The following PDE6D variants were observed in gnomAD, a reference collection of about 807,000 sequenced individuals.
PDE6D encodes the protein retinal rod rhodopsin-sensitive cGMP 3',5'-cyclic phosphodiesterase subunit delta.
A neutral mutation model predicts 21.9 loss-of-function variants in PDE6D; 10 were observed. The observed-to-expected ratio is 0.46, with a 90% CI of 0.28 to 0.78. The LOEUF is 0.78. PDE6D is among the 30% of genes least tolerant of loss of function. The probability of loss-of-function intolerance (pLI) is 0.12; values close to 1 mark genes in which losing one functional copy is unlikely to be tolerated. For synonymous variants in PDE6D, 59 were observed against 63.5 expected (o/e 0.93, Z 0.34); for missense variants, 139 against 184.8 (o/e 0.75, Z 1.44).
At chr2:231,747,529 TTTA>T (rs2106268179) in intron 1 of PDE6D, among the ~76,000 whole-genome samples, 1 of 152,382 alleles carries the variant, frequency 6.6e-6, no homozygotes, top group African/African-American at 2.4e-5. Context: ...CAATTAATTC[TTTA>T]TTGTCTCCCA....
intron 1 of PDE6D, among the ~76,000 whole-genome samples, chr2:231,757,981 G>T (rs1437800098): frequency 1.3e-5 from 2 of 151,948 alleles, no homozygotes; most frequent in East Asian, 3.9e-4. Flanking sequence ...GGACAAAAAA[G>T]AAATAACTGT....
intron 1 of PDE6D, among the ~76,000 whole-genome samples, chr2:231,758,181 T>C (rs1343393243): frequency 1.3e-5 from 2 of 152,292 alleles, no homozygotes; most frequent in East Asian, 1.9e-4. Context: ...GACAGACAGA[T>C]AGGTAGATAG....
At chr2:231,735,808 G>A (rs1400477803) in intron 4 of PDE6D, among the ~76,000 whole-genome samples, 2 of 151,826 alleles carry the variant, frequency 1.3e-5, no homozygotes, top group Admixed American at 6.6e-5. Flanking sequence ...TGGATCACCC[G>A]AGGTTAGGAG....
chr2:231,733,352 T>C (rs796664149), intron 4 of PDE6D, among the ~76,000 whole-genome samples: 6 of 152,348 alleles, frequency 3.9e-5, no homozygotes, highest in African/African-American at 1.4e-4. Flanking sequence ...GACTTTCTGA[T>C]ACTGCATTCA....
At chr2:231,744,455 A>T in intron 1 of PDE6D, among the ~76,000 whole-genome samples, 1 of 140,804 alleles carries the variant, frequency 7.1e-6, no homozygotes, top group Non-Finnish European at 1.5e-5. Flanking sequence ...TTTTTTGGAG[A>T]CAGAGTTTCG....
At chr2:231,756,937 G>A (rs1307029618) in intron 1 of PDE6D, among the ~76,000 whole-genome samples, 2 of 151,840 alleles carry the variant, frequency 1.3e-5, no homozygotes, top group East Asian at 3.9e-4. Context: ...TTAGAGAAGG[G>A]CTAATCTAAC....
Position 231,744,231 on chromosome 2 carries a change from G to A in PDE6D, c.51-5043C>T, listed in dbSNP as rs570029850. Among the ~76,000 whole-genome samples the A allele has an allele frequency of 3.3e-5, 5 of 152,262 alleles. No homozygotes were observed. In the East Asian group the frequency reaches 9.6e-4, roughly 29 times the overall value. Reference sequence around the variant, plus strand: ...AGAGGTCAGAAAAGCAAAGCCTGGGGCCAGGACTTACTCTTCAATCTATGT... The same window carrying A: ...AGAGGTCAGAAAAGCAAAGCCTGGGACCAGGACTTACTCTTCAATCTATGT... On this transcript the variant is annotated intron_variant, in intron 1 of 4. Transcript: ENST00000287600.
At chr2:231,780,143 GC>G (rs1424673325) in intron 1 of PDE6D, among the ~76,000 whole-genome samples, 1 of 152,160 alleles carries the variant, frequency 6.6e-6, no homozygotes, top group Non-Finnish European at 1.5e-5. Flanking sequence ...AAAACACAAA[GC>G]TTCCTTACGG....
chr2:231,750,971 G>A (rs1326154867), intron 1 of PDE6D, among the ~76,000 whole-genome samples: 5 of 151,954 alleles, frequency 3.3e-5, no homozygotes, highest in Non-Finnish European at 7.4e-5. Flanking sequence ...TCATATGCAA[G>A]TTGACACTTC....
intron 4 of PDE6D, among the ~76,000 whole-genome samples, chr2:231,736,553 G>A: frequency 6.6e-6 from 1 of 152,164 alleles, no homozygotes; most frequent in East Asian, 1.9e-4. Flanking sequence ...GAGGTAGGAA[G>A]TTATTGACAG....
At chr2:231,771,864 T>C (rs997445731) in intron 1 of PDE6D, among the ~76,000 whole-genome samples, 3 of 152,208 alleles carry the variant, frequency 2.0e-5, no homozygotes, top group Non-Finnish European at 2.9e-5. Flanking sequence ...AATCAAAGAA[T>C]TGTAGTGCTG....
At chr2:231,736,681 ATAGGACT>A (rs1427245568) in intron 4 of PDE6D, among the ~76,000 whole-genome samples, 53 of 152,368 alleles carry the variant, frequency 3.5e-4, no homozygotes, top group African/African-American at 1.3e-3. Flanking sequence ...AGAATTATTA[ATAGGACT>A]TTGCCAGATT....
intron 1 of PDE6D, among the ~76,000 whole-genome samples, chr2:231,749,765 C>T (rs2048823443): frequency 6.6e-6 from 1 of 152,078 alleles, no homozygotes; most frequent in Non-Finnish European, 1.5e-5. Flanking sequence ...AACTCCTGAC[C>T]TCAGGTGATC....
At chr2:231,738,258 A>G in intron 2 of PDE6D, 120 bp from the exon 3 acceptor site, 1 of 940,964 alleles carries the variant, frequency 1.1e-6, no homozygotes, top group Non-Finnish European at 1.6e-6. Context: ...CAGCTGATTT[A>G]GAGAACACTT....
At position 231,781,136 on chromosome 2, in the gene PDE6D, G is replaced by C. The variant is rs1347176807; in HGVS notation, c.-22C>G. ...ACATGATGCGGCGGTCGCCGCCCGC[G>C]GCTTTCTCACTCTGGTCGGCGGAGC... On this transcript the variant is annotated 5_prime_UTR_variant, in exon 1 of 5. Coordinates refer to ENST00000287600, the MANE Select transcript of PDE6D (RefSeq NM_002601.4). 9 of 1,611,508 alleles carry C rather than the reference G, an allele frequency of 5.6e-6. No individual in the cohort carries two copies. Among genetic ancestry groups the C allele is most frequent in the Non-Finnish European group, 7.6e-6 (9 of 1,179,176 alleles).
chr2:231,747,770 C>T (rs1328949077), intron 1 of PDE6D, among the ~76,000 whole-genome samples: 1 of 152,200 alleles, frequency 6.6e-6, no homozygotes, highest in East Asian at 1.9e-4. Context: ...CTCTTCTCAC[C>T]TGCACCAAGC....
chr2:231,738,974 G>GGAT, intron 2 of PDE6D, 126 bp downstream of exon 2: 2 of 599,180 alleles, frequency 3.3e-6, no homozygotes, highest in Non-Finnish European at 6.1e-6. Context: ...AACAACACAT[G>GGAT]GATTAACATG....
intron 1 of PDE6D, among the ~76,000 whole-genome samples, chr2:231,767,530 T>G (rs539786905): frequency 1.6e-4 from 24 of 152,222 alleles, no homozygotes; most frequent in Non-Finnish European, 3.1e-4. Context: ...TTAGCCAGGA[T>G]GGTCTCAATC....
At chr2:231,738,952 A>T (rs2048725911) in intron 2 of PDE6D, 148 bp downstream of exon 2, 1 of 550,416 alleles carries the variant, frequency 1.8e-6, no homozygotes, top group East Asian at 3.0e-5. Flanking sequence ...AAAGAAAGTA[A>T]CTGAAACTGT....
Sources: gnomAD v4.1 joint callset for allele counts (sites outside exome capture counted in the v4.1 genomes callset) on GRCh38, gnomAD v4.1.1 for gene constraint, MANE v1.5 for transcripts, NCBI Gene and HGNC (gene_info 2026-07-23, HGNC 2026-07-21) for gene names.